Variants in KIRREL3 observed in about 807,000 individuals in gnomAD.
KIRREL3 encodes kin of IRRE-like protein 3.
In KIRREL3, 36 loss-of-function variants were observed where a neutral mutation model predicts 89.7. That is an observed-to-expected ratio of 0.40 (90% CI 0.31 to 0.53). KIRREL3 has a LOEUF of 0.53. Among genes scored for constraint, KIRREL3 ranks in the 20% least tolerant of loss-of-function variants. The pLI is 0.49. For synonymous variants in KIRREL3, 445 were observed against 441.4 expected, an observed-to-expected ratio of 1.01 and a Z score of -0.10; for missense variants, 864 against 1,056.6, an observed-to-expected ratio of 0.82 and a Z score of 2.53.
At chr11:126,916,779 C>T (rs989171054) in intron 1 of KIRREL3, among the ~76,000 whole-genome samples, 1 of 152,162 alleles carries the variant, frequency 6.6e-6, no homozygotes, top group African/African-American at 2.4e-5. Flanking sequence ...CTGGATAAAG[C>T]ATTAGTTACA....
At chr11:126,756,051 A>G (rs1946086) in intron 1 of KIRREL3, among the ~76,000 whole-genome samples, 35,576 of 152,188 alleles carry the variant, frequency 0.23, 4,753 homozygotes, top group African/African-American at 0.34. Context: ...TGAGAGTGGC[A>G]GCTTTAGACA....
At chr11:126,923,178 CTT>C (rs1361405531) in intron 1 of KIRREL3, among the ~76,000 whole-genome samples, 641 of 21,322 alleles carry the variant, frequency 0.03, 110 homozygotes, top group Middle Eastern at 0.17. Context: ...TTCTTCTTCT[CTT>C]CTTCTTCTCT....
At chr11:126,745,779 T>C (rs965408490) in intron 1 of KIRREL3, among the ~76,000 whole-genome samples, 2 of 152,208 alleles carry the variant, frequency 1.3e-5, no homozygotes, top group Admixed American at 6.5e-5. Flanking sequence ...TGGGTTTCCA[T>C]AACTTCACAA....
chr11:126,999,950 C>G lies in KIRREL3; in HGVS notation c.55+505G>C, dbSNP rs112697095. ...TGCAAATTACCCCCCACAATACATT[C>G]TGTAATTGCAACCCCCTTTTCAACG... On this transcript the variant is annotated intron_variant, in intron 1 of 16. Transcript: ENST00000525144. The surrounding 1 kb of genome is among the most constrained non-coding windows in gnomAD (Gnocchi z 5.7). 3.4e-3 allele frequency among the ~76,000 whole-genome samples: 516 copies of G among 152,264 alleles called. 5 individuals are homozygous for G. The highest frequency in any genetic ancestry group is 0.012 in the African/African-American group (486 of 41,526).
intron 2 of KIRREL3, among the ~76,000 whole-genome samples, chr11:126,552,537 G>A (rs916683402): frequency 7.4e-5 from 11 of 149,272 alleles, no homozygotes; most frequent in African/African-American, 2.7e-4. Context: ...CATCACACAG[G>A]GGAGAGAGAA....
Position 126,563,775 on chromosome 11 carries a change from C to T in KIRREL3, c.56-863G>A, listed in dbSNP as rs1415112566. Among the ~76,000 whole-genome samples the T allele has an allele frequency of 2.0e-5, 3 of 152,204 alleles. No individual in the cohort carries two copies. The highest frequency in any genetic ancestry group is 4.4e-5 in the Non-Finnish European group (3 of 68,034). On this transcript the variant is annotated intron_variant, in intron 1 of 16. Transcript: ENST00000525144. This position sits in a 1 kb window ranked among gnomAD's most constrained non-coding sequence, Gnocchi z 6.8. Reference sequence around the variant, plus strand: ...GGAGTCCATCTGCCTCACAAGAAGGCAAGCTTTCCTCTCTGGTATTTGTGC... The same window carrying T: ...GGAGTCCATCTGCCTCACAAGAAGGTAAGCTTTCCTCTCTGGTATTTGTGC...
rs979261399 is a variant in KIRREL3, at chr11:126,891,476, T to C, written c.55+108979A>G. ...GTGAGCCCATGTCCTACTAAATGCC[T>C]GCAAAGTGGCTGTCTTTGAGAGCGC... On this transcript the variant is annotated intron_variant, in intron 1 of 16. Coordinates refer to ENST00000525144, the MANE Select transcript of KIRREL3 (RefSeq NM_032531.4). This position sits in a 1 kb window ranked among gnomAD's most constrained non-coding sequence, Gnocchi z 5.1. Among the ~76,000 whole-genome samples, 2 of 152,218 alleles carry C rather than the reference T, an allele frequency of 1.3e-5. No homozygotes were observed. Among genetic ancestry groups the C allele is most frequent in the African/African-American group, 4.8e-5 (2 of 41,458 alleles).
At chr11:126,784,061 A>G (rs1950408382) in intron 1 of KIRREL3, among the ~76,000 whole-genome samples, 2 of 152,208 alleles carry the variant, frequency 1.3e-5, no homozygotes, top group South Asian at 2.1e-4. Flanking sequence ...ACTCCCCAAA[A>G]TTGTGAAGGT....
chr11:126,842,155 G>A (rs1368699721), intron 1 of KIRREL3, among the ~76,000 whole-genome samples: 1 of 152,088 alleles, frequency 6.6e-6, no homozygotes, highest in Non-Finnish European at 1.5e-5. Context: ...CCTGTGAGTG[G>A]TTGCTGTTCG....
rs557945104 is a variant in KIRREL3, at chr11:126,773,337, G to C, written c.56-210425C>G. ...GTTCAGGGCCAGAGTAGAACAAAAG[G>C]CTGGCCTCACCCGAGCAAGAAGGAA... On this transcript the variant is annotated intron_variant, in intron 1 of 16. Coordinates refer to ENST00000525144, the MANE Select transcript of KIRREL3 (RefSeq NM_032531.4). The surrounding 1 kb of genome is among the most constrained non-coding windows in gnomAD (Gnocchi z 4.2). 2.0e-5 allele frequency among the ~76,000 whole-genome samples: 3 copies of C among 152,132 alleles called. No individual in the cohort carries two copies. The highest frequency in any genetic ancestry group is 2.9e-5 in the Non-Finnish European group (2 of 68,018).
At position 126,696,344 on chromosome 11, in the gene KIRREL3, C is replaced by T. The variant is rs900680186; in HGVS notation, c.56-133432G>A. Among the ~76,000 whole-genome samples, 5 of 151,748 alleles carry T rather than the reference C, an allele frequency of 3.3e-5. No individual in the cohort carries two copies. The highest frequency in any genetic ancestry group is 5.9e-5 in the Non-Finnish European group (4 of 67,996). On this transcript the variant is annotated intron_variant, in intron 1 of 16. Coordinates refer to ENST00000525144, the MANE Select transcript of KIRREL3 (RefSeq NM_032531.4). The surrounding 1 kb of genome is among the most constrained non-coding windows in gnomAD (Gnocchi z 4.4). Reference sequence around the variant, plus strand: ...CTCCCTTTCTTTGACCCTTCTCCTCCTTGGTTGCCTTGTGTGGTTGATGGT... The same window carrying T: ...CTCCCTTTCTTTGACCCTTCTCCTCTTTGGTTGCCTTGTGTGGTTGATGGT...
At chr11:126,460,213 TG>T (rs1956498744) in intron 6 of KIRREL3, among the ~76,000 whole-genome samples, 1 of 152,028 alleles carries the variant, frequency 6.6e-6, no homozygotes, top group South Asian at 2.1e-4. Flanking sequence ...CGGGGACAAA[TG>T]GATGAAGATC....
rs975961673 is a variant in KIRREL3, at chr11:126,628,369, G to A, written c.56-65457C>T. 2.6e-5 allele frequency among the ~76,000 whole-genome samples: 4 copies of A among 152,152 alleles called. No homozygotes were observed. The highest frequency in any genetic ancestry group is 9.7e-5 in the African/African-American group (4 of 41,436). ...AGTACCTTCCAGGCTGTGGAGGCAG[G>A]GAGCTGACTTCACAGTGACTGAGGA... On this transcript the variant is annotated intron_variant, in intron 1 of 16. Coordinates refer to ENST00000525144, the MANE Select transcript of KIRREL3 (RefSeq NM_032531.4). This position sits in a 1 kb window ranked among gnomAD's most constrained non-coding sequence, Gnocchi z 5.2.
intron 4 of KIRREL3, among the ~76,000 whole-genome samples, chr11:126,481,980 G>A (rs1260694705): frequency 3.9e-5 from 6 of 152,208 alleles, no homozygotes; most frequent in African/African-American, 1.4e-4. Context: ...TTGTGGATAA[G>A]AGCCACCTGC....
At position 126,569,835 on chromosome 11, in the gene KIRREL3, CA is replaced by C. The variant is rs1209676815; in HGVS notation, c.56-6924del. 6.6e-6 allele frequency among the ~76,000 whole-genome samples: 1 copy of C among 152,098 alleles called. No individual in the cohort carries two copies. Among genetic ancestry groups the C allele is most frequent in the African/African-American group, 2.4e-5 (1 of 41,400 alleles). On this transcript the variant is annotated intron_variant, in intron 1 of 16. Coordinates refer to ENST00000525144, the MANE Select transcript of KIRREL3 (RefSeq NM_032531.4). The surrounding 1 kb of genome is among the most constrained non-coding windows in gnomAD (Gnocchi z 6.5). ...GGCCCTCTCATTGGTTTTTGTCTAT[CA>C]ATAGCCATCAGTAGCCATTCTGCCC...
intron 1 of KIRREL3, among the ~76,000 whole-genome samples, chr11:126,831,652 C>A (rs998005174): frequency 2.6e-5 from 4 of 152,150 alleles, no homozygotes; most frequent in Non-Finnish European, 5.9e-5. Context: ...GTGACTTTTA[C>A]CCCAAATTTA....
intron 1 of KIRREL3, among the ~76,000 whole-genome samples, chr11:126,630,344 T>A (rs190646064): frequency 6.6e-6 from 1 of 152,334 alleles, no homozygotes; most frequent in East Asian, 1.9e-4. Flanking sequence ...GCCACTGTGG[T>A]TGAGTGACTT....
rs1468690211 is a variant in KIRREL3 at position 126,523,466 on chromosome 11, CT to C, written c.284-2003del. ...GGAGTGCTTCCTGTGCAGCTGGGCC[CT>C]TCAGACTCATGTCTTCATGGCTACC... is the stretch of plus-strand genomic sequence containing the variant. On this transcript the variant is annotated intron_variant, in intron 3 of 16. Coordinates refer to ENST00000525144, the MANE Select transcript of KIRREL3 (RefSeq NM_032531.4). The surrounding 1 kb of genome is among the most constrained non-coding windows in gnomAD (Gnocchi z 4.9). Among the ~76,000 whole-genome samples, 2 of 152,108 alleles carry C rather than the reference CT, an allele frequency of 1.3e-5. No homozygotes were observed. The highest frequency in any genetic ancestry group is 4.8e-5 in the African/African-American group (2 of 41,418).
At chr11:127,002,261 TCTTAA>T (rs10538810), upstream of KIRREL3, among the ~76,000 whole-genome samples, 25,902 of 152,116 alleles carry the variant, frequency 0.17, 2,297 homozygotes, top group Middle Eastern at 0.21. Flanking sequence ...ACTTTTCTAT[TCTTAA>T]CTTAATAGTT....
Sources: gnomAD v4.1 joint callset for allele counts (sites outside exome capture counted in the v4.1 genomes callset) on GRCh38, gnomAD v4.1.1 for gene constraint, Gnocchi (gnomAD v3.1) non-coding constraint, MANE v1.5 for transcripts, NCBI Gene and HGNC (gene_info 2026-07-23, HGNC 2026-07-21) for gene names.